CDKL1: variants seen among roughly 807,000 people sequenced by gnomAD.
CDKL1 encodes cyclin dependent kinase like 1, also known as cyclin-dependent kinase-like 1.
A neutral mutation model predicts 42.0 loss-of-function variants in CDKL1; 41 were observed. The ratio of observed to expected loss-of-function variants is 0.98; its 90% CI spans 0.76 to 1.27. The LOEUF (loss-of-function observed/expected upper bound fraction) is 1.27, where lower values mean the gene tolerates loss of function less well. CDKL1 is among the 50% of genes most tolerant of loss of function. The pLI, the probability that CDKL1 is intolerant of heterozygous loss-of-function variation, is 0.00. For missense variants in CDKL1, 394 were observed against 428.4 expected (o/e 0.92, Z 0.71); for synonymous variants, 153 against 158.6 (o/e 0.96, Z 0.26).
At chr14:50,334,471 C>T (rs2033143831) in intron 8 of CDKL1, 94 bp downstream of exon 8, 6 of 806,658 alleles carry the variant, frequency 7.4e-6, no homozygotes, top group Admixed American at 6.2e-5. Flanking sequence ...AAAAGGAACA[C>T]TTTTCATTGC....
intron 3 of CDKL1, among the ~76,000 whole-genome samples, chr14:50,346,499 C>T (rs2033727313): frequency 6.6e-6 from 1 of 151,782 alleles, no homozygotes; most frequent in Non-Finnish European, 1.5e-5. Context: ...TCTTGCTGTG[C>T]TGCCCAGGCT....
rs150056454 is a variant in CDKL1, at chr14:50,358,181, C to T, written c.290+847G>A. 1,221 of 1,284,642 alleles carry T rather than the reference C, an allele frequency of 9.5e-4. 8 individuals are homozygous for T. The African/African-American group carries it at 0.014, about 14-fold the overall frequency. The allele number at this position is 1,284,642 out of a possible 1,614,324, so 79.6% of individuals were successfully genotyped here. On this transcript the variant is annotated intron_variant, in intron 3 of 9. Transcript: ENST00000395834. ...TGTGTGGTAAGATCAGCGGAGCCCC[C>T]GGAGTCACTCCCACCCTTCTCAGTT...
chr14:50,359,200 T>C, intron 2 of CDKL1, 51 bp from the exon 3 acceptor site: 1 of 1,566,056 alleles, frequency 6.4e-7, no homozygotes, highest in Non-Finnish European at 8.7e-7. Flanking sequence ...AAAGACAGCT[T>C]TCTCTAATCT....
chr14:50,365,274 A>G (rs1275975060), intron 2 of CDKL1, among the ~76,000 whole-genome samples: 1 of 152,140 alleles, frequency 6.6e-6, no homozygotes. Context: ...TATATTGCCA[A>G]ATTGCTTCCT....
chr14:50,357,363 C>A (rs2034085516), intron 3 of CDKL1: 1 of 152,184 alleles, frequency 6.6e-6, no homozygotes, highest in African/African-American at 2.4e-5. Flanking sequence ...CTGGCAAAGA[C>A]TTGAAAGAGT....
At position 50,346,658 on chromosome 14, in the gene CDKL1, T is replaced by TTG. The variant is rs1555340146; in HGVS notation, c.291-1601_291-1600insCA. ...TCAATAAATTAAATTTTTGGTTTTT[T>TTG]TTTTTTTTTTGAGATGGAGTCTTGC... On this transcript the variant is annotated intron_variant, in intron 3 of 9. Transcript: ENST00000395834. Among the ~76,000 whole-genome samples the TTG allele has an allele frequency of 8.8e-5, 8 of 90,412 alleles. No homozygotes were observed. In the East Asian group the frequency reaches 1.4e-3, roughly 16 times the overall value. 59.3% of individuals were successfully genotyped at this position (90,412 alleles called of 152,430 possible). A position where few individuals can be genotyped will look rare whatever the true frequency, so the allele number is the denominator to read the frequency against.
intron 3 of CDKL1, among the ~76,000 whole-genome samples, chr14:50,355,438 C>T (rs1248523010): frequency 6.6e-6 from 1 of 152,232 alleles, no homozygotes; most frequent in African/African-American, 2.4e-5. Flanking sequence ...TTCATAATCT[C>T]TTTTGACAAT....
intron 7 of CDKL1, among the ~76,000 whole-genome samples, chr14:50,336,603 A>G (rs1451653873): frequency 3.3e-5 from 5 of 152,208 alleles, no homozygotes; most frequent in Non-Finnish European, 5.9e-5. Flanking sequence ...AGTGGTAGAG[A>G]CAGAACTTCC....
At chr14:50,330,223 T>C (rs1211296690) in intron 9 of CDKL1, 42 bp from the exon 10 acceptor site, 17 of 1,577,460 alleles carry the variant, frequency 1.1e-5, no homozygotes, top group Non-Finnish European at 1.3e-5. Flanking sequence ...AACTGTGCCA[T>C]GCATTTTTTT....
intron 2 of CDKL1, among the ~76,000 whole-genome samples, chr14:50,391,184 G>A (rs2035248187): frequency 6.6e-6 from 1 of 152,034 alleles, no homozygotes; most frequent in African/African-American, 2.4e-5. Context: ...GTCTTTCTCT[G>A]TAATCTGACT....
chr14:50,335,587 C>A (rs1474105329), intron 7 of CDKL1: 1 of 1,535,012 alleles, frequency 6.5e-7, no homozygotes, highest in Admixed American at 2.0e-5. Flanking sequence ...TGCCGAATGT[C>A]AGGCAGACAA....
At chr14:50,343,753 T>C (rs2033634619) in intron 4 of CDKL1, among the ~76,000 whole-genome samples, 1 of 152,180 alleles carries the variant, frequency 6.6e-6, no homozygotes, top group South Asian at 2.1e-4. Flanking sequence ...ACCAGGGTCT[T>C]GGTGCAGTCT....
chr14:50,339,081 C>G, intron 6 of CDKL1, 52 bp from the exon 7 acceptor site: 3 of 1,162,952 alleles, frequency 2.6e-6, no homozygotes, highest in Non-Finnish European at 3.9e-6. Flanking sequence ...AAACACTGAT[C>G]TATGGTTTTC....
intron 2 of CDKL1, among the ~76,000 whole-genome samples, chr14:50,384,709 A>G (rs950883137): frequency 1.3e-5 from 2 of 151,046 alleles, no homozygotes; most frequent in Non-Finnish European, 2.9e-5. Flanking sequence ...CAGAAAAATG[A>G]TAACTAATGA....
chr14:50,389,185 C>G (rs989629328), intron 2 of CDKL1, among the ~76,000 whole-genome samples: 2 of 150,622 alleles, frequency 1.3e-5, no homozygotes, highest in African/African-American at 4.9e-5. Flanking sequence ...CCTGTCCCTT[C>G]TATAAGGCTA....
chr14:50,388,930 T>G (rs1214388028), intron 2 of CDKL1, among the ~76,000 whole-genome samples: 1 of 151,370 alleles, frequency 6.6e-6, no homozygotes, highest in Admixed American at 6.6e-5. Context: ...AAACCCTGTC[T>G]CTACTGAAAA....
intron 7 of CDKL1, chr14:50,335,492 G>C (rs541421302): frequency 2.0e-6 from 3 of 1,535,994 alleles, no homozygotes; most frequent in African/African-American, 1.4e-5. Flanking sequence ...TGGGGCATTC[G>C]TCAATCTCCT....
At chr14:50,362,085 C>T (rs1227191372) in intron 2 of CDKL1, 120 of 244,870 alleles carry the variant, frequency 4.9e-4, no homozygotes, top group Non-Finnish European at 4.1e-5. Flanking sequence ...AGCTGCTGTG[C>T]TCGACTTCTG....
At chr14:50,334,820 A>G (rs1402105565) in intron 7 of CDKL1, 199 bp from the exon 8 acceptor site, 1 of 533,480 alleles carries the variant, frequency 1.9e-6, no homozygotes, top group East Asian at 3.2e-5. Context: ...TCGCTTTTCC[A>G]AATTTGCTTC....
Sources: gnomAD v4.1 joint callset for allele counts (sites outside exome capture counted in the v4.1 genomes callset) on GRCh38, gnomAD v4.1.1 for gene constraint, MANE v1.5 for transcripts, NCBI Gene and HGNC (gene_info 2026-07-23, HGNC 2026-07-21) for gene names.